The following ZNF536 variants were observed in gnomAD, a reference collection of about 807,000 sequenced individuals.
ZNF536 encodes the protein zinc finger protein 536.
A neutral mutation model predicts 84.5 loss-of-function variants in ZNF536; 13 were observed. The ratio of observed to expected loss-of-function variants is 0.15; its 90% CI spans 0.10 to 0.24. The LOEUF is 0.24. Ranked by LOEUF, ZNF536 falls within the 10% of genes least tolerant of loss-of-function variation. The pLI is 1.00. For missense variants in ZNF536, 1,536 were observed against 1,747.5 expected (o/e 0.88, Z 2.16); for synonymous variants, 811 against 742.5 (o/e 1.09, Z -1.50).
intron 2 of ZNF536, among the ~76,000 whole-genome samples, chr19:30,533,697 G>A (rs748218168): frequency 1.6e-4 from 25 of 152,150 alleles, no homozygotes; most frequent in African/African-American, 5.1e-4. Context: ...TGCAGAACCC[G>A]CAGATCTCAT....
chr19:30,653,030 A>C (rs1286375677), intron 1 of ZNF536, among the ~76,000 whole-genome samples: 1 of 152,192 alleles, frequency 6.6e-6, no homozygotes, highest in Non-Finnish European at 1.5e-5. Flanking sequence ...TTTCTAGCCT[A>C]GTAAGGTTGG....
At chr19:30,266,277 T>C (rs1022323829) in intron 1 of ZNF536, among the ~76,000 whole-genome samples, 3 of 152,180 alleles carry the variant, frequency 2.0e-5, no homozygotes, top group Admixed American at 2.0e-4. Context: ...CTCAAACTCC[T>C]GGGCTCCAGT....
chr19:30,348,800 TTTTTTTTTCTTTTC>T (rs1351626629), intron 2 of ZNF536, among the ~76,000 whole-genome samples: 9 of 112,526 alleles, frequency 8.0e-5, no homozygotes, highest in Admixed American at 2.2e-4. Context: ...ATCCATTTTC[TTTTTTTTTCTTTTC>T]TTTTTTTTTT....
In ZNF536 at chr19:30,471,122, A is replaced by G. The variant is rs1015781354; in HGVS notation, c.2170+25390A>G. Among the ~76,000 whole-genome samples the G allele has an allele frequency of 5.9e-5, 9 of 152,122 alleles. No homozygotes were observed. The South Asian group carries it at 1.9e-3, about 32-fold the overall frequency. On this transcript the variant is annotated intron_variant, in intron 2 of 4. Coordinates refer to ENST00000355537, the MANE Select transcript of ZNF536 (RefSeq NM_014717.3). ...AGGTGTACGCCACCAGGCCTGGCTT[A>G]GACCGTTTATCAGATGTTCTTCTCA...
chr19:30,409,986 C>T (rs2050412845), intron 1 of ZNF536, among the ~76,000 whole-genome samples: 2 of 152,012 alleles, frequency 1.3e-5, no homozygotes, highest in South Asian at 2.1e-4. Flanking sequence ...TTAACTGTAG[C>T]ATCTCTTCAT....
intron 1 of ZNF536, among the ~76,000 whole-genome samples, chr19:30,375,326 G>A (rs1220016966): frequency 1.3e-5 from 2 of 151,720 alleles, no homozygotes; most frequent in East Asian, 3.9e-4. Flanking sequence ...GAGATAATGA[G>A]ATCAATTAGA....
At chr19:30,490,055 T>C (rs934587453) in intron 2 of ZNF536, among the ~76,000 whole-genome samples, 3 of 152,252 alleles carry the variant, frequency 2.0e-5, no homozygotes, top group Non-Finnish European at 4.4e-5. Context: ...ATGTACCTAA[T>C]GCATATTTCA....
chr19:30,627,363 C>G (rs148781845), intron 1 of ZNF536, among the ~76,000 whole-genome samples: 2 of 146,916 alleles, frequency 1.4e-5, no homozygotes, highest in Non-Finnish European at 3.0e-5. Flanking sequence ...CCCAGCTAAT[C>G]GGGAAGCTGA....
At position 30,504,558 on chromosome 19, in the gene ZNF536, C is replaced by A. The variant is rs1410378758; in HGVS notation, c.2171-30289C>A. On this transcript the variant is annotated intron_variant, in intron 2 of 4. Coordinates refer to ENST00000355537, the MANE Select transcript of ZNF536 (RefSeq NM_014717.3). Reference sequence around the variant, plus strand: ...TGACCCACTCATCCTCCCACCCTTCCTCCTTCCCTCTCTCCCACCCTTCCT... The same window carrying A: ...TGACCCACTCATCCTCCCACCCTTCATCCTTCCCTCTCTCCCACCCTTCCT... 3.0e-5 allele frequency among the ~76,000 whole-genome samples: 4 copies of A among 133,630 alleles called. No homozygotes were observed. In the East Asian group the frequency reaches 9.6e-4, roughly 32 times the overall value. 87.7% of individuals were successfully genotyped at this position (133,630 alleles called of 152,430 possible). A position where few individuals can be genotyped will look rare whatever the true frequency, so the allele number is the denominator to read the frequency against.
intron 2 of ZNF536, among the ~76,000 whole-genome samples, chr19:30,311,178 G>A (rs967907220): frequency 2.6e-5 from 4 of 152,142 alleles, no homozygotes; most frequent in African/African-American, 9.7e-5. Flanking sequence ...CTGGGGCTGT[G>A]TCTGTCTTTC....
intron 1 of ZNF536, among the ~76,000 whole-genome samples, chr19:30,608,175 G>A (rs2047964405): frequency 1.3e-5 from 2 of 152,120 alleles, no homozygotes; most frequent in African/African-American, 2.4e-5. Flanking sequence ...AATTCTAAAT[G>A]GTATGACAAG....
At chr19:30,347,419 C>T (rs532005676) in intron 2 of ZNF536, among the ~76,000 whole-genome samples, 25 of 152,328 alleles carry the variant, frequency 1.6e-4, no homozygotes, top group Non-Finnish European at 2.8e-4. Flanking sequence ...AAGCTTTCCG[C>T]CACAGGGGGC....
intron 2 of ZNF536, among the ~76,000 whole-genome samples, chr19:30,303,510 T>G (rs1328191275): frequency 6.6e-6 from 1 of 151,822 alleles, no homozygotes; most frequent in African/African-American, 2.4e-5. Flanking sequence ...TTGACACTTT[T>G]TTTTTTTTTT....
rs2148214154 is a variant in ZNF536, at chr19:30,445,174, T to C, written c.1612T>C (p.Leu538=). ...ARGMAMEHGF[L]SKEHPLQRNH... ...GGGCATGGCCATGGAACATGGCTTCTTGTCTAAAGAGCATCCGCTGCAGCG... is the reference window on the plus strand; with the variant it reads ...GGGCATGGCCATGGAACATGGCTTCCTGTCTAAAGAGCATCCGCTGCAGCG... Residue 538 remains leucine, a synonymous_variant, in exon 2 of 5, where the codon TTG becomes CTG. Coordinates refer to ENST00000355537, the MANE Select transcript of ZNF536 (RefSeq NM_014717.3). The surrounding 1 kb of genome is among the most constrained non-coding windows in gnomAD (Gnocchi z 4.5). 1 of 1,614,180 alleles carries C rather than the reference T, an allele frequency of 6.2e-7. No individual in the cohort carries two copies. The highest frequency in any genetic ancestry group is 8.5e-7 in the Non-Finnish European group (1 of 1,180,034).
intron 1 of ZNF536, among the ~76,000 whole-genome samples, chr19:30,437,623 A>T (rs1352622002): frequency 3.9e-5 from 6 of 151,900 alleles, no homozygotes; most frequent in Admixed American, 3.9e-4. Context: ...AGCCTAGCTT[A>T]GTTCTTCATC....
At chr19:30,656,016 G>A (rs753693028) in intron 1 of ZNF536, among the ~76,000 whole-genome samples, 2 of 151,978 alleles carry the variant, frequency 1.3e-5, no homozygotes, top group East Asian at 1.9e-4. Context: ...TCCAGCCTTG[G>A]CAACAGAGCA....
rs750913170 is a variant in ZNF536 at position 30,445,075 on chromosome 19, C to T, written c.1513C>T (p.Arg505Trp). ...GCCGCTGAAATCCAGCTGCATCGAG[C>T]GGCTGCAGGCGGCTGCCAAGGCTGC... ...VPPLKSSCIE[R>W]LQAAAKAAEM... Residue 505 changes from arginine (R) to tryptophan (W), a missense_variant, in exon 2 of 5, where the codon CGG (arginine) becomes TGG (tryptophan). By Grantham distance (101) the Arg-to-Trp change is moderately radical. Around this residue, in one of 8 missense-constraint regions of ZNF536, gnomAD observed 366 missense variants for 364.4 expected, o/e 1.00. Coordinates refer to ENST00000355537, the MANE Select transcript of ZNF536 (RefSeq NM_014717.3). The surrounding 1 kb of genome is among the most constrained non-coding windows in gnomAD (Gnocchi z 4.5). 6 of 1,613,338 alleles carry T rather than the reference C, an allele frequency of 3.7e-6. No individual in the cohort carries two copies. The highest frequency in any genetic ancestry group is 1.1e-5 in the South Asian group (1 of 91,080).
At chr19:30,314,513 G>A (rs1372325568) in intron 2 of ZNF536, among the ~76,000 whole-genome samples, 1 of 152,136 alleles carries the variant, frequency 6.6e-6, no homozygotes, top group Non-Finnish European at 1.5e-5. Context: ...CCCTCATAGA[G>A]AAAAGAGCCA....
intron 1 of ZNF536, among the ~76,000 whole-genome samples, chr19:30,680,564 C>T (rs939262090): frequency 1.3e-5 from 2 of 151,860 alleles, no homozygotes; most frequent in Non-Finnish European, 2.9e-5. Context: ...CATCCATGTC[C>T]CTACAAAGGA....
Sources: allele counts gnomAD v4.1 joint callset (sites outside exome capture counted in the v4.1 genomes callset), GRCh38; gene constraint gnomAD v4.1.1; regional missense constraint gnomAD v4.1.1; non-coding constraint Gnocchi (gnomAD v3.1); transcripts MANE v1.5; gene names NCBI Gene and HGNC (gene_info 2026-07-23, HGNC 2026-07-21).